Variants in SSBP2 observed in about 807,000 individuals in gnomAD.
The protein encoded by SSBP2 is single-stranded DNA-binding protein 2.
Under a neutral mutation model 61.8 loss-of-function variants are expected in SSBP2, and 17 were observed. The observed-to-expected ratio is 0.28, with a 90% confidence interval of 0.19 to 0.41. The LOEUF (loss-of-function observed/expected upper bound fraction) is 0.41, where lower values mean the gene tolerates loss of function less well. SSBP2 is among the 10% of genes least tolerant of loss of function. The probability of loss-of-function intolerance (pLI) is 1.00; values close to 1 mark genes in which losing one functional copy is unlikely to be tolerated. For missense variants in SSBP2, 310 were observed against 458.7 expected (o/e 0.68, Z 2.96); for synonymous variants, 139 against 141.3 (o/e 0.98, Z 0.12).
upstream of SSBP2, chr5:81,751,177 T>C (rs1757745402): frequency 3.2e-6 from 3 of 927,132 alleles, no homozygotes; most frequent in South Asian, 3.1e-5. Context: ...CTCCGCCCCC[T>C]TCGCCCAGGC....
At chr5:81,487,236 T>A (rs918702264) in intron 6 of SSBP2, among the ~76,000 whole-genome samples, 4 of 152,334 alleles carry the variant, frequency 2.6e-5, no homozygotes, top group African/African-American at 9.6e-5. Flanking sequence ...GTGTTAAGCA[T>A]TTAATTTCTT....
intron 1 of SSBP2, among the ~76,000 whole-genome samples, chr5:81,686,031 AGACAG>A (rs1752747223): frequency 6.6e-6 from 1 of 152,254 alleles, no homozygotes; most frequent in Non-Finnish European, 1.5e-5. Flanking sequence ...CCAAAAGGTT[AGACAG>A]TAAGAAAGGT....
At chr5:81,510,639 T>TA (rs1463885609) in intron 5 of SSBP2, among the ~76,000 whole-genome samples, 5 of 151,980 alleles carry the variant, frequency 3.3e-5, no homozygotes, top group Non-Finnish European at 7.4e-5. Context: ...CACATGCCTG[T>TA]AATCCCAGCT....
intron 4 of SSBP2, among the ~76,000 whole-genome samples, chr5:81,570,804 T>TC (rs2153445027): frequency 6.6e-6 from 1 of 152,302 alleles, no homozygotes; most frequent in South Asian, 2.1e-4. Flanking sequence ...TCATTACCCC[T>TC]CCACATGCCC....
At chr5:81,504,677 C>T (rs1768044596) in intron 5 of SSBP2, among the ~76,000 whole-genome samples, 1 of 152,056 alleles carries the variant, frequency 6.6e-6, no homozygotes, top group Non-Finnish European at 1.5e-5. Flanking sequence ...CATTTTTCTC[C>T]CTAGCCCTTA....
chr5:81,634,247 C>G (rs1366781508), intron 3 of SSBP2, among the ~76,000 whole-genome samples: 4 of 152,230 alleles, frequency 2.6e-5, no homozygotes, highest in African/African-American at 9.6e-5. Flanking sequence ...AATTGCTTAT[C>G]TTAATCCAGA....
At chr5:81,586,691 T>C (rs1309343483) in intron 4 of SSBP2, among the ~76,000 whole-genome samples, 2 of 151,190 alleles carry the variant, frequency 1.3e-5, no homozygotes, top group African/African-American at 4.9e-5. Context: ...AGACCTTGCA[T>C]GCAAGGCTGG....
chr5:81,581,140 T>A (rs762311431), intron 4 of SSBP2, among the ~76,000 whole-genome samples: 1 of 152,180 alleles, frequency 6.6e-6, no homozygotes, highest in East Asian at 1.9e-4. Context: ...TAATTACAAT[T>A]CAAGCTTTTA....
At chr5:81,436,717 C>T (rs1365500602) in intron 15 of SSBP2, among the ~76,000 whole-genome samples, 1 of 151,962 alleles carries the variant, frequency 6.6e-6, no homozygotes, top group Non-Finnish European at 1.5e-5. Flanking sequence ...TAATTAGTTC[C>T]CATCAGTAAT....
intron 1 of SSBP2, among the ~76,000 whole-genome samples, chr5:81,654,090 A>C (rs1750003273): frequency 6.6e-6 from 1 of 151,412 alleles, no homozygotes. Context: ...CAGCCTCCCG[A>C]GCAGCTTGGA....
At chr5:81,730,230 G>T (rs1019637794) in intron 1 of SSBP2, among the ~76,000 whole-genome samples, 1 of 152,032 alleles carries the variant, frequency 6.6e-6, no homozygotes, top group Non-Finnish European at 1.5e-5. Context: ...ACTTTTAAAA[G>T]AATTTTTTTT....
At chr5:81,473,279 G>A (rs1361799452) in intron 8 of SSBP2, among the ~76,000 whole-genome samples, 1 of 152,182 alleles carries the variant, frequency 6.6e-6, no homozygotes, top group Non-Finnish European at 1.5e-5. Context: ...CGGAATACAA[G>A]TGCAGAACGT....
chr5:81,512,396 G>A (rs1009845617), intron 5 of SSBP2, among the ~76,000 whole-genome samples: 2 of 152,178 alleles, frequency 1.3e-5, no homozygotes, highest in Non-Finnish European at 2.9e-5. Context: ...TATATGTAAA[G>A]CATTTAGAAT....
At chr5:81,482,387 T>G (rs1580796300) in intron 6 of SSBP2, among the ~76,000 whole-genome samples, 1 of 152,164 alleles carries the variant, frequency 6.6e-6, no homozygotes, top group South Asian at 2.1e-4. Flanking sequence ...TGACTGACTA[T>G]GGCTATGAAA....
chr5:81,578,567 A>G (rs1383448735), intron 4 of SSBP2, among the ~76,000 whole-genome samples: 1 of 152,000 alleles, frequency 6.6e-6, no homozygotes, highest in African/African-American at 2.4e-5. Context: ...TAAAAGGGAA[A>G]GAAAAATGAG....
At chr5:81,439,324 T>A (rs372522632) in intron 14 of SSBP2, among the ~76,000 whole-genome samples, 1 of 152,048 alleles carries the variant, frequency 6.6e-6, no homozygotes, top group East Asian at 1.9e-4. Context: ...ATAAAAAGTG[T>A]TTTTTTGTTT....
At chr5:81,603,757 G>A (rs973808431) in intron 4 of SSBP2, among the ~76,000 whole-genome samples, 1 of 152,104 alleles carries the variant, frequency 6.6e-6, no homozygotes, top group Non-Finnish European at 1.5e-5. Context: ...CACGTCTTAC[G>A]ATGAATTATC....
intron 3 of SSBP2, chr5:81,616,423 A>G (rs1334426102): frequency 6.7e-6 from 1 of 149,898 alleles, no homozygotes; most frequent in Non-Finnish European, 1.5e-5. Flanking sequence ...CCACGAGACT[A>G]TATCCCACAC....
chr5:81,451,354 T>C (rs1361292967), intron 10 of SSBP2, among the ~76,000 whole-genome samples: 1 of 152,180 alleles, frequency 6.6e-6, no homozygotes, highest in Non-Finnish European at 1.5e-5. Context: ...CTTTGTTTAT[T>C]TCCAAAGGTA....
Sources: gnomAD v4.1 joint callset for allele counts (sites outside exome capture counted in the v4.1 genomes callset) on GRCh38, gnomAD v4.1.1 for gene constraint, MANE v1.5 for transcripts, NCBI Gene and HGNC (gene_info 2026-07-23, HGNC 2026-07-21) for gene names.